The following PKNOX1 variants were observed in gnomAD, a reference collection of about 807,000 sequenced individuals.
PKNOX1 encodes the protein homeobox protein PKNOX1.
A neutral mutation model predicts 51.9 loss-of-function variants in PKNOX1; 15 were observed. The observed-to-expected ratio is 0.29, with a 90% CI of 0.19 to 0.45. The LOEUF (loss-of-function observed/expected upper bound fraction) is 0.45, where lower values mean the gene tolerates loss of function less well. Ranked by LOEUF, PKNOX1 falls within the 20% of genes least tolerant of loss-of-function variation. The probability of loss-of-function intolerance (pLI) is 1.00; values close to 1 mark genes in which losing one functional copy is unlikely to be tolerated. For missense variants in PKNOX1, 462 were observed against 547.5 expected (o/e 0.84, Z 1.56); for synonymous variants, 219 against 211.1 (o/e 1.04, Z -0.32).
At position 43,021,927 on chromosome 21, in the gene PKNOX1, C is replaced by G. The variant is rs758568997; in HGVS notation, c.849+496C>G. ...CACGTGTGCACCCGGCTTCCTCCCC[C>G]GGGCCATGGCCGCGTCTTCTCCCTG... On this transcript the variant is annotated intron_variant, in intron 8 of 10. Transcript: ENST00000291547. The surrounding 1 kb of genome is among the most constrained non-coding windows in gnomAD (Gnocchi z 4.6). 6.6e-6 allele frequency among the ~76,000 whole-genome samples: 1 copy of G among 152,250 alleles called. No individual in the cohort carries two copies. The highest frequency in any genetic ancestry group is 6.5e-5 in the Admixed American group (1 of 15,290).
intron 1 of PKNOX1, among the ~76,000 whole-genome samples, chr21:43,001,074 A>G (rs1286069081): frequency 1.3e-5 from 2 of 152,132 alleles, no homozygotes; most frequent in Non-Finnish European, 2.9e-5. Flanking sequence ...TTTGGAGGAG[A>G]GCCAGGTTAT....
At chr21:43,012,069 T>C (rs1256155046) in intron 4 of PKNOX1, among the ~76,000 whole-genome samples, 2 of 152,212 alleles carry the variant, frequency 1.3e-5, no homozygotes, top group African/African-American at 4.8e-5. Context: ...CTCCATCATT[T>C]TTGTTACTGA....
In PKNOX1 at chr21:42,979,912, A is replaced by G. The variant is rs143716893; in HGVS notation, c.-57+5248A>G. ...CATTTAAAAGTGTGCCTTAGAATTG[A>G]TGAAACATGGTCAGTGAAGTATGAC... On this transcript the variant is annotated intron_variant, in intron 1 of 10. Coordinates refer to ENST00000291547, the MANE Select transcript of PKNOX1 (RefSeq NM_004571.5). 3.9e-3 allele frequency among the ~76,000 whole-genome samples: 597 copies of G among 152,332 alleles called. 3 individuals are homozygous for G. Among genetic ancestry groups the G allele is most frequent in the African/African-American group, 0.014 (570 of 41,566 alleles).
intron 5 of PKNOX1, among the ~76,000 whole-genome samples, chr21:43,016,330 G>A (rs1046217710): frequency 2.0e-5 from 3 of 152,170 alleles, no homozygotes; most frequent in Non-Finnish European, 2.9e-5. Flanking sequence ...GCTGTAGGCC[G>A]GGCACAGTTC....
At chr21:42,984,077 TGTGTGC>T (rs1018950441) in intron 1 of PKNOX1, among the ~76,000 whole-genome samples, 51 of 35,104 alleles carry the variant, frequency 1.5e-3, no homozygotes, top group East Asian at 0.011. Context: ...TGTGTGCGTG[TGTGTGC>T]GTGTGTGTGT....
At chr21:42,998,900 T>C (rs1978623345) in intron 1 of PKNOX1, among the ~76,000 whole-genome samples, 2 of 152,202 alleles carry the variant, frequency 1.3e-5, no homozygotes, top group African/African-American at 4.8e-5. Context: ...TTGGTAGATC[T>C]ACCATTCTGG....
intron 1 of PKNOX1, among the ~76,000 whole-genome samples, chr21:42,994,030 C>A (rs1412865457): frequency 1.2e-5 from 1 of 83,070 alleles, no homozygotes; most frequent in Non-Finnish European, 2.3e-5. Context: ...CCGCGCCCAG[C>A]CTTTTTTTTT....
chr21:42,993,959 C>T (rs2146245307), intron 1 of PKNOX1, among the ~76,000 whole-genome samples: 1 of 150,720 alleles, frequency 6.6e-6, no homozygotes, highest in African/African-American at 2.4e-5. Context: ...TCTCAGACTC[C>T]TGACCTCAGG....
Position 43,023,771 on chromosome 21 carries a change from T to C in PKNOX1, c.850-1100T>C, listed in dbSNP as rs563163457. ...CTGGGACTACAGGTGTGTGCCACCA[T>C]GCCCGGCTAATTTTTTGTATTTTTA... is the stretch of plus-strand genomic sequence containing the variant. On this transcript the variant is annotated intron_variant, in intron 8 of 10. Transcript: ENST00000291547. 3.0e-3 allele frequency among the ~76,000 whole-genome samples: 453 copies of C among 152,104 alleles called. 1 individual carries two copies. Among genetic ancestry groups the C allele is most frequent in the Non-Finnish European group, 5.5e-3 (372 of 67,974 alleles).
chr21:43,025,761 T>G (rs1338779038), intron 9 of PKNOX1, among the ~76,000 whole-genome samples: 1 of 152,246 alleles, frequency 6.6e-6, no homozygotes, highest in Non-Finnish European at 1.5e-5. Context: ...TTCTTCCAGT[T>G]GTAAACATTA....
chr21:42,990,263 GAATAAATA>G (rs1003211959), intron 1 of PKNOX1, among the ~76,000 whole-genome samples: 283 of 152,004 alleles, frequency 1.9e-3, no homozygotes, highest in African/African-American at 6.0e-3. Flanking sequence ...CGTCATAAAT[GAATAAATA>G]AATAAATAAA....
At chr21:43,003,730 C>A (rs1269143933) in intron 1 of PKNOX1, among the ~76,000 whole-genome samples, 1 of 152,178 alleles carries the variant, frequency 6.6e-6, no homozygotes, top group Non-Finnish European at 1.5e-5. Context: ...GCACCCCAGG[C>A]CCAGCATGCT....
At chr21:42,988,609 C>T (rs1020897297) in intron 1 of PKNOX1, among the ~76,000 whole-genome samples, 1 of 152,182 alleles carries the variant, frequency 6.6e-6, no homozygotes, top group Non-Finnish European at 1.5e-5. Flanking sequence ...AACTCTGCTT[C>T]AGTGACTAGT....
Position 43,021,819 on chromosome 21 carries a change from CG to C in PKNOX1, c.849+391del, listed in dbSNP as rs1175208520. Among the ~76,000 whole-genome samples, 1 of 152,210 alleles carries C rather than the reference CG, an allele frequency of 6.6e-6. No homozygotes were observed. On this transcript the variant is annotated intron_variant, in intron 8 of 10. Transcript: ENST00000291547. The surrounding 1 kb of genome is among the most constrained non-coding windows in gnomAD (Gnocchi z 4.6). ...AGATGGGTTAGAGACATCGCAGGGCCGGGTGCACCCACAGGTGGGCCACCGG... is the reference window on the plus strand; with the variant it reads ...AGATGGGTTAGAGACATCGCAGGGCCGGTGCACCCACAGGTGGGCCACCGG...
chr21:42,988,163 C>G (rs925509250), intron 1 of PKNOX1, among the ~76,000 whole-genome samples: 1 of 152,112 alleles, frequency 6.6e-6, no homozygotes, highest in African/African-American at 2.4e-5. Flanking sequence ...AAGTGATTCT[C>G]CCTCCTCAGC....
intron 1 of PKNOX1, among the ~76,000 whole-genome samples, chr21:42,976,606 A>G (rs1364973798): frequency 6.6e-6 from 1 of 152,248 alleles, no homozygotes; most frequent in African/African-American, 2.4e-5. Flanking sequence ...TGTCATTTCC[A>G]CAATGTGCAC....
intron 8 of PKNOX1, 148 bp from the exon 9 acceptor site, chr21:43,024,723 C>T (rs1426831067): frequency 8.2e-6 from 5 of 611,322 alleles, no homozygotes; most frequent in Admixed American, 2.8e-5. Flanking sequence ...ACACTTTGTT[C>T]GTGAGACTAC....
At chr21:42,985,190 T>G (rs975668540) in intron 1 of PKNOX1, among the ~76,000 whole-genome samples, 2 of 152,046 alleles carry the variant, frequency 1.3e-5, no homozygotes, top group Admixed American at 6.6e-5. Flanking sequence ...TTTCACCACG[T>G]TGGCCAGGCT....
At chr21:43,003,009 G>A (rs1011906932) in intron 1 of PKNOX1, among the ~76,000 whole-genome samples, 2 of 152,090 alleles carry the variant, frequency 1.3e-5, no homozygotes, top group Non-Finnish European at 2.9e-5. Context: ...GCCACTGCCC[G>A]GCTCCTTGTT....
Sources: gnomAD v4.1 joint callset for allele counts (sites outside exome capture counted in the v4.1 genomes callset) on GRCh38, gnomAD v4.1.1 for gene constraint, Gnocchi (gnomAD v3.1) non-coding constraint, MANE v1.5 for transcripts, NCBI Gene and HGNC (gene_info 2026-07-23, HGNC 2026-07-21) for gene names.